Variants in INPP4B observed in about 807,000 individuals in gnomAD.
The protein encoded by INPP4B is inositol polyphosphate 4-phosphatase type II.
A neutral mutation model predicts 122.5 loss-of-function variants in INPP4B; 55 were observed. The observed-to-expected ratio is 0.45, with a 90% CI of 0.36 to 0.56. INPP4B has a LOEUF of 0.56. Ranked by LOEUF, INPP4B falls within the 20% of genes least tolerant of loss-of-function variation. The pLI is 0.00. For synonymous variants in INPP4B, 403 were observed against 388.7 expected (o/e 1.04, Z -0.43); for missense variants, 1,000 against 1,097.7 (o/e 0.91, Z 1.26).
intron 18 of INPP4B, among the ~76,000 whole-genome samples, chr4:142,132,354 C>T (rs1801744763): frequency 6.6e-6 from 1 of 151,906 alleles, no homozygotes; most frequent in South Asian, 2.1e-4. Context: ...AGGGTTAGAA[C>T]CCAGGCTGTG....
intron 2 of INPP4B, among the ~76,000 whole-genome samples, chr4:142,696,845 T>C (rs1207798723): frequency 6.6e-6 from 1 of 152,216 alleles, no homozygotes; most frequent in South Asian, 2.1e-4. Flanking sequence ...GTAAAATTAC[T>C]TATTAAATTA....
chr4:142,592,255 C>A (rs894396855), intron 2 of INPP4B, among the ~76,000 whole-genome samples: 2 of 152,112 alleles, frequency 1.3e-5, no homozygotes, highest in Non-Finnish European at 2.9e-5. Context: ...GTAAACCAAC[C>A]ATTCTTTAGA....
intron 16 of INPP4B, among the ~76,000 whole-genome samples, chr4:142,169,895 A>G (rs1363547064): frequency 6.6e-6 from 1 of 151,698 alleles, no homozygotes; most frequent in East Asian, 1.9e-4. Context: ...GACTTATTAA[A>G]CAAGGTCTAT....
At chr4:142,591,153 G>T (rs1261358906) in intron 2 of INPP4B, among the ~76,000 whole-genome samples, 1 of 151,860 alleles carries the variant, frequency 6.6e-6, no homozygotes, top group Non-Finnish European at 1.5e-5. Flanking sequence ...TTAAAATTTG[G>T]CCAGGTGTGG....
At chr4:142,735,403 T>TA (rs1308152897) in intron 1 of INPP4B, among the ~76,000 whole-genome samples, 5 of 152,174 alleles carry the variant, frequency 3.3e-5, no homozygotes, top group African/African-American at 9.7e-5. Flanking sequence ...TTATCATTAT[T>TA]GTAATAATAA....
intron 7 of INPP4B, among the ~76,000 whole-genome samples, chr4:142,375,515 C>T (rs1350147659): frequency 1.3e-5 from 2 of 151,876 alleles, no homozygotes; most frequent in Non-Finnish European, 2.9e-5. Flanking sequence ...TTGCACATCC[C>T]ACTCTAAGGA....
chr4:142,220,185 CT>C (rs1561521860), intron 12 of INPP4B, among the ~76,000 whole-genome samples: 2 of 152,176 alleles, frequency 1.3e-5, no homozygotes, highest in Non-Finnish European at 2.9e-5. Flanking sequence ...ATCCTGTTAT[CT>C]TTTTTATTTA....
intron 2 of INPP4B, among the ~76,000 whole-genome samples, chr4:142,485,666 C>T (rs1352311063): frequency 6.6e-6 from 1 of 152,026 alleles, no homozygotes; most frequent in Admixed American, 6.6e-5. Context: ...ATTAAAGGCT[C>T]AGGTTAAGAA....
intron 21 of INPP4B, among the ~76,000 whole-genome samples, chr4:142,119,401 G>A (rs1561187370): frequency 6.6e-6 from 1 of 152,096 alleles, no homozygotes; most frequent in Non-Finnish European, 1.5e-5. Flanking sequence ...CAACCCAAAT[G>A]TCCATCAATG....
chr4:142,115,417 T>C (rs750836990), intron 21 of INPP4B, among the ~76,000 whole-genome samples: 41 of 152,250 alleles, frequency 2.7e-4, no homozygotes, highest in Admixed American at 5.9e-4. Context: ...GAGAGAAAGA[T>C]TGGGTTACCC....
At chr4:142,691,437 T>C (rs901754363) in intron 2 of INPP4B, among the ~76,000 whole-genome samples, 5 of 151,968 alleles carry the variant, frequency 3.3e-5, no homozygotes, top group African/African-American at 9.7e-5. Flanking sequence ...AATGTACTCC[T>C]CAGCTTGTAC....
At chr4:142,781,871 T>C (rs888969212) in intron 1 of INPP4B, among the ~76,000 whole-genome samples, 4 of 151,982 alleles carry the variant, frequency 2.6e-5, no homozygotes, top group African/African-American at 9.7e-5. Context: ...TACTGCCCTT[T>C]AAAGAATTAC....
intron 1 of INPP4B, among the ~76,000 whole-genome samples, chr4:142,788,652 T>C (rs752290086): frequency 7.2e-5 from 11 of 152,044 alleles, no homozygotes; most frequent in Non-Finnish European, 1.2e-4. Flanking sequence ...CCAAAGTTCA[T>C]TGTGTCATTC....
intron 2 of INPP4B, among the ~76,000 whole-genome samples, chr4:142,547,920 C>A (rs1462051175): frequency 2.6e-5 from 4 of 152,076 alleles, no homozygotes; most frequent in Admixed American, 6.6e-5. Flanking sequence ...AAAAACAATG[C>A]AAGTTTATGA....
intron 2 of INPP4B, among the ~76,000 whole-genome samples, chr4:142,501,173 T>TCAG: frequency 6.6e-6 from 1 of 152,226 alleles, no homozygotes; most frequent in Non-Finnish European, 1.5e-5. Flanking sequence ...CCTCTACTAA[T>TCAG]GTTCACTAGG....
At chr4:142,588,835 G>T (rs1277947844) in intron 2 of INPP4B, among the ~76,000 whole-genome samples, 2 of 151,736 alleles carry the variant, frequency 1.3e-5, no homozygotes, top group African/African-American at 2.4e-5. Context: ...ATCAGCAACA[G>T]CAACCCGATT....
chr4:142,556,851 C>T (rs906860413), intron 2 of INPP4B, among the ~76,000 whole-genome samples: 1 of 152,120 alleles, frequency 6.6e-6, no homozygotes, highest in African/African-American at 2.4e-5. Context: ...CAGTTTTTAT[C>T]ATCTAAGCTG....
At chr4:142,695,444 A>C (rs1760896726) in intron 2 of INPP4B, among the ~76,000 whole-genome samples, 1 of 152,206 alleles carries the variant, frequency 6.6e-6, no homozygotes, top group Non-Finnish European at 1.5e-5. Context: ...AATGCCAAAA[A>C]TATTATTTCC....
At chr4:142,194,810 T>A (rs2636665) in intron 14 of INPP4B, among the ~76,000 whole-genome samples, 133,276 of 152,156 alleles carry the variant, frequency 0.88, 59,174 homozygotes, top group East Asian at 0.96. Context: ...TACCTATAAA[T>A]TGTAGTTGAA....
Sources: allele counts gnomAD v4.1 joint callset (sites outside exome capture counted in the v4.1 genomes callset), GRCh38; gene constraint gnomAD v4.1.1; transcripts MANE v1.5; gene names NCBI Gene and HGNC (gene_info 2026-07-23, HGNC 2026-07-21).